Variants in TTC9 observed in about 807,000 individuals in gnomAD.
TTC9 encodes tetratricopeptide repeat domain 9, also known as tetratricopeptide repeat protein 9A.
TTC9 carries 13 observed loss-of-function variants against 22.9 expected under a neutral mutation model. The observed-to-expected ratio is 0.57, with a 90% CI of 0.37 to 0.90. The LOEUF is 0.90. Ranked by LOEUF, TTC9 falls within the 40% of genes least tolerant of loss-of-function variation. The probability of loss-of-function intolerance (pLI) is 0.01; values close to 1 mark genes in which losing one functional copy is unlikely to be tolerated. For synonymous variants in TTC9, 148 were observed against 133.2 expected (o/e 1.11, Z -0.77); for missense variants, 280 against 291.8 (o/e 0.96, Z 0.29).
intron 1 of TTC9, among the ~76,000 whole-genome samples, chr14:70,659,258 A>C (rs1411875690): frequency 6.6e-6 from 1 of 152,186 alleles, no homozygotes; most frequent in Non-Finnish European, 1.5e-5. Flanking sequence ...TCATTTTACA[A>C]GATATTAGCG....
At chr14:70,670,667 A>AC (rs1421687184) in intron 2 of TTC9, among the ~76,000 whole-genome samples, 12 of 151,838 alleles carry the variant, frequency 7.9e-5, no homozygotes, top group East Asian at 7.7e-4. Context: ...AAACAAACAA[A>AC]AAAAAATAGA....
chr14:70,642,583 G>C (rs766757080), intron 1 of TTC9, 48 bp downstream of exon 1: 2 of 1,464,588 alleles, frequency 1.4e-6, no homozygotes, highest in African/African-American at 2.8e-5. Flanking sequence ...TCTTCGGCCC[G>C]GTCCCTCCGC....
chr14:70,655,573 C>T (rs1477302463), intron 1 of TTC9, among the ~76,000 whole-genome samples: 1 of 152,118 alleles, frequency 6.6e-6, no homozygotes, highest in African/African-American at 2.4e-5. Flanking sequence ...CTACCTTTCC[C>T]AGTGTATTTA....
rs1301794675 is a variant in TTC9, at chr14:70,674,852, A to G, written c.*3697A>G. On this transcript the variant is annotated 3_prime_UTR_variant, in exon 3 of 3. Coordinates refer to ENST00000256367, the MANE Select transcript of TTC9 (RefSeq NM_015351.2). ...ATAGTGATTATTTCATTTGTTCCCA[A>G]TCTTCATTGTAAATAGTGTTGCAAC... 3.9e-5 allele frequency: 6 copies of G among 152,160 alleles called. No individual in the cohort carries two copies. The highest frequency in any genetic ancestry group is 6.5e-5 in the Admixed American group (1 of 15,272). 9.4% of individuals were successfully genotyped at this position (152,160 alleles called of 1,614,324 possible). A position where few individuals can be genotyped will look rare whatever the true frequency, so the allele number is the denominator to read the frequency against.
At chr14:70,642,619 C>G in intron 1 of TTC9, 84 bp downstream of exon 1, 1 of 1,299,808 alleles carries the variant, frequency 7.7e-7, no homozygotes, top group South Asian at 1.5e-5. Flanking sequence ...TCCCGCGGTG[C>G]AGATTCTCCT....
At chr14:70,646,754 C>T (rs1445223308) in intron 1 of TTC9, among the ~76,000 whole-genome samples, 5 of 152,138 alleles carry the variant, frequency 3.3e-5, no homozygotes, top group Non-Finnish European at 7.3e-5. Context: ...AGCTAATATC[C>T]ATTGATCCCA....
chr14:70,656,586 G>A (rs1886070378), intron 1 of TTC9, among the ~76,000 whole-genome samples: 1 of 152,198 alleles, frequency 6.6e-6, no homozygotes, highest in Non-Finnish European at 1.5e-5. Context: ...TGTCTCTGGG[G>A]CAGGAGAGGG....
rs1180589674 is a variant in TTC9 at position 70,642,154 on chromosome 14, G to A, written c.25G>A (p.Gly9Arg). The change falls in exon 1 of 3, where the codon GGG (glycine) becomes AGG (arginine). Residue 9 changes from glycine (G) to arginine (R), a missense_variant. Gly to Arg is a moderately radical substitution (Grantham distance 125). Coordinates refer to ENST00000256367, the MANE Select transcript of TTC9 (RefSeq NM_015351.2). MERKGSAAGAKGNPSPPAA... is the reference protein window; with the variant it reads MERKGSAARAKGNPSPPAA... ...AATGGAGAGAAAGGGCTCGGCGGCC[G>A]GGGCCAAGGGGAACCCGAGCCCGCC... is the stretch of plus-strand genomic sequence containing the variant. 4.3e-6 allele frequency: 5 copies of A among 1,174,664 alleles called. No homozygotes were observed. Among genetic ancestry groups the A allele is most frequent in the Non-Finnish European group, 4.2e-6 (4 of 944,896 alleles). The allele number at this position is 1,174,664 out of a possible 1,614,324, so 72.8% of individuals were successfully genotyped here.
At chr14:70,646,864 G>A (rs994593399) in intron 1 of TTC9, among the ~76,000 whole-genome samples, 2 of 152,202 alleles carry the variant, frequency 1.3e-5, no homozygotes, top group Admixed American at 1.3e-4. Flanking sequence ...GCTTTTCAGT[G>A]CTTGTGGACA....
chr14:70,653,600 G>A (rs147868674), intron 1 of TTC9, among the ~76,000 whole-genome samples: 32 of 152,278 alleles, frequency 2.1e-4, no homozygotes, highest in African/African-American at 7.0e-4. Context: ...TAGAAACTGT[G>A]GGTTCTAGGC....
Position 70,674,827 on chromosome 14 carries a change from A to G in TTC9, c.*3672A>G, listed in dbSNP as rs921483187. The G allele has an allele frequency of 6.6e-6, 1 of 152,176 alleles. No individual in the cohort carries two copies. The highest frequency in any genetic ancestry group is 1.5e-5 in the Non-Finnish European group (1 of 68,032). The allele number at this position is 152,176 out of a possible 1,614,324, so 9.4% of individuals were successfully genotyped here. A position where few individuals can be genotyped will look rare whatever the true frequency, so the allele number is the denominator to read the frequency against. On this transcript the variant is annotated 3_prime_UTR_variant, in exon 3 of 3. Transcript: ENST00000256367. ...CCCTTTTTTTATCATCAATCCTCAA[A>G]TAGTGATTATTTCATTTGTTCCCAA...
At chr14:70,655,210 A>G (rs1207923578) in intron 1 of TTC9, among the ~76,000 whole-genome samples, 1 of 152,196 alleles carries the variant, frequency 6.6e-6, no homozygotes, top group Admixed American at 6.5e-5. Flanking sequence ...CCTGGCCAAC[A>G]TGGGGAAACC....
chr14:70,654,935 A>C (rs1291772028), intron 1 of TTC9, among the ~76,000 whole-genome samples: 1 of 152,068 alleles, frequency 6.6e-6, no homozygotes, highest in African/African-American at 2.4e-5. Flanking sequence ...ATTGGCTAAA[A>C]CTCAGTTGAT....
chr14:70,665,377 A>C (rs1204434188), intron 1 of TTC9, among the ~76,000 whole-genome samples: 1 of 152,184 alleles, frequency 6.6e-6, no homozygotes, highest in African/African-American at 2.4e-5. Flanking sequence ...CAGCTGTATA[A>C]GCACCAGCAC....
At chr14:70,662,764 T>C (rs181993633) in intron 1 of TTC9, among the ~76,000 whole-genome samples, 195 of 152,368 alleles carry the variant, frequency 1.3e-3, no homozygotes, top group African/African-American at 4.2e-3. Context: ...GATTCCTAGT[T>C]CAGTGCTCTT....
At position 70,642,240 on chromosome 14, in the gene TTC9, A is replaced by T; in HGVS notation, c.111A>T (p.Gly37=). ...TGTGCGTCCCGGGCGGCGGCGGAGG[A>T]GCCCCAGCGAGGGGCCAGGTCGGGG... ...PPLCVPGGGG[G]APARGQVGAA... The change falls in exon 1 of 3, where the codon GGA becomes GGT. Residue 37 remains glycine, a synonymous_variant. Transcript: ENST00000256367. The T allele has an allele frequency of 7.4e-7, 1 of 1,357,238 alleles. No homozygotes were observed. Among genetic ancestry groups the T allele is most frequent in the Non-Finnish European group, 9.5e-7 (1 of 1,054,950 alleles). The allele number at this position is 1,357,238 out of a possible 1,614,324, so 84.1% of individuals were successfully genotyped here. A position where few individuals can be genotyped will look rare whatever the true frequency, so the allele number is the denominator to read the frequency against.
chr14:70,643,582 C>T (rs752216348), intron 1 of TTC9, among the ~76,000 whole-genome samples: 2 of 152,210 alleles, frequency 1.3e-5, no homozygotes, highest in South Asian at 2.1e-4. Flanking sequence ...GTTGCCTAAA[C>T]TGTCTATGGA....
intron 2 of TTC9, among the ~76,000 whole-genome samples, chr14:70,670,352 A>G (rs970996787): frequency 6.6e-6 from 1 of 152,220 alleles, no homozygotes; most frequent in Non-Finnish European, 1.5e-5. Context: ...CAAGGTTGGC[A>G]TTCAAAAATG....
intron 1 of TTC9, among the ~76,000 whole-genome samples, chr14:70,654,761 G>T (rs1594737395): frequency 6.6e-6 from 1 of 152,234 alleles, no homozygotes; most frequent in Admixed American, 6.5e-5. Context: ...GCCCGAATAG[G>T]CTCAGAGAGA....
Sources: allele counts gnomAD v4.1 joint callset (sites outside exome capture counted in the v4.1 genomes callset), GRCh38; gene constraint gnomAD v4.1.1; transcripts MANE v1.5; gene names NCBI Gene and HGNC (gene_info 2026-07-23, HGNC 2026-07-21).